Variants in TPD52 observed in about 807,000 individuals in gnomAD.
TPD52 encodes tumor protein D52, also known as prostate and colon associated protein.
Under a neutral mutation model 31.3 loss-of-function variants are expected in TPD52, and 17 were observed. That is an observed-to-expected ratio of 0.54 (90% CI 0.37 to 0.82). The LOEUF (loss-of-function observed/expected upper bound fraction) is 0.82, where lower values mean the gene tolerates loss of function less well. Ranked by LOEUF, TPD52 falls within the 40% of genes least tolerant of loss-of-function variation. The pLI, the probability that TPD52 is intolerant of heterozygous loss-of-function variation, is 0.00. For synonymous variants in TPD52, 83 were observed against 89.6 expected, an observed-to-expected ratio of 0.93 and a Z score of 0.42; for missense variants, 212 against 240.1, an observed-to-expected ratio of 0.88 and a Z score of 0.77.
At chr8:80,158,900 C>T (rs1197841828) in intron 1 of TPD52, 2 of 140,838 alleles carry the variant, frequency 1.4e-5, no homozygotes, top group Non-Finnish European at 3.0e-5. Flanking sequence ...GCCGAGATCC[C>T]GCCACTGCAC....
intron 1 of TPD52, among the ~76,000 whole-genome samples, chr8:80,074,179 G>A (rs1454494342): frequency 3.3e-5 from 5 of 152,178 alleles, no homozygotes; most frequent in Admixed American, 1.3e-4. Context: ...GACCGGAGTC[G>A]CGGTAAGAAA....
intron 1 of TPD52, among the ~76,000 whole-genome samples, chr8:80,123,860 G>T (rs1247084568): frequency 6.6e-6 from 1 of 152,188 alleles, no homozygotes; most frequent in Non-Finnish European, 1.5e-5. Flanking sequence ...TCAACATCTG[G>T]AAAGATTTGG....
intron 1 of TPD52, among the ~76,000 whole-genome samples, chr8:80,102,604 G>T (rs1806823095): frequency 6.6e-6 from 1 of 152,200 alleles, no homozygotes; most frequent in Non-Finnish European, 1.5e-5. Context: ...ACATCGTGTT[G>T]TGATATTGCA....
At chr8:80,135,225 G>A (rs73265594) in intron 1 of TPD52, among the ~76,000 whole-genome samples, 2,014 of 152,278 alleles carry the variant, frequency 0.013, 45 homozygotes, top group African/African-American at 0.045. Context: ...TAGCTAACAA[G>A]CTGACTAAAA....
chr8:80,086,867 G>A (rs1467425806), intron 1 of TPD52, among the ~76,000 whole-genome samples: 1 of 99,704 alleles, frequency 1.0e-5, no homozygotes, highest in Non-Finnish European at 1.8e-5. Flanking sequence ...AGAGTGAGAC[G>A]CTGTCTCAAC....
chr8:80,165,872 G>A (rs62516133), intron 1 of TPD52, among the ~76,000 whole-genome samples: 2,932 of 133,188 alleles, frequency 0.022, 46 homozygotes, highest in Middle Eastern at 0.058. Context: ...CCTAGGCCTC[G>A]CCAGAAACCC....
At chr8:80,094,430 T>TATA (rs1816532778) in intron 1 of TPD52, among the ~76,000 whole-genome samples, 9 of 53,700 alleles carry the variant, frequency 1.7e-4, no homozygotes, top group African/African-American at 3.8e-4. Flanking sequence ...AAAGAAAATT[T>TATA]TATATATATA....
In TPD52 at chr8:80,122,056, T is replaced by C. The variant is rs1808298886; in HGVS notation, c.19+49369A>G. Among the ~76,000 whole-genome samples, 4 of 152,090 alleles carry C rather than the reference T, an allele frequency of 2.6e-5. No homozygotes were observed. The South Asian group carries it at 8.3e-4, about 32-fold the overall frequency. On this transcript the variant is annotated intron_variant, in intron 1 of 7. Coordinates refer to ENST00000518937, the MANE Select transcript of TPD52 (RefSeq NM_001025253.3). The stretch of plus-strand genomic sequence containing the variant: ...AAAACTCCTGTGCAATGATGTTTTA[T>C]CATTATTGTCATTTTATAGATGAGA...
intron 1 of TPD52, among the ~76,000 whole-genome samples, chr8:80,131,025 G>A (rs995890003): frequency 3.3e-5 from 5 of 152,146 alleles, no homozygotes; most frequent in African/African-American, 9.7e-5. Context: ...AGTGTCTTCC[G>A]TAAATTGTTA....
chr8:80,163,334 C>A (rs527453793), intron 1 of TPD52, among the ~76,000 whole-genome samples: 2 of 152,118 alleles, frequency 1.3e-5, no homozygotes. Flanking sequence ...GCATGAGCCC[C>A]GATATCATGC....
chr8:80,055,925 T>C (rs911639331), intron 2 of TPD52, among the ~76,000 whole-genome samples: 3 of 152,186 alleles, frequency 2.0e-5, no homozygotes, highest in African/African-American at 4.8e-5. Context: ...GAAACTCTTA[T>C]ACACTGTTGC....
rs1809831666 is a variant in TPD52, at chr8:80,035,376, C to T, written c.*2740G>A. On this transcript the variant is annotated 3_prime_UTR_variant, in exon 8 of 8. Coordinates refer to ENST00000518937, the MANE Select transcript of TPD52 (RefSeq NM_001025253.3). The stretch of plus-strand genomic sequence containing the variant: ...TCAGCAAGCAGTCATTTAATAAATG[C>T]CTTCTGATAGGCAGAATGTAGCTGC... 6.6e-6 allele frequency: 1 copy of T among 152,192 alleles called. No homozygotes were observed. Among genetic ancestry groups the T allele is most frequent in the South Asian group, 2.1e-4 (1 of 4,828 alleles). The allele number at this position is 152,192 out of a possible 1,614,324, so 9.4% of individuals were successfully genotyped here.
At chr8:80,064,160 T>C (rs549784507) in intron 2 of TPD52, among the ~76,000 whole-genome samples, 1 of 152,300 alleles carries the variant, frequency 6.6e-6, no homozygotes, top group Non-Finnish European at 1.5e-5. Context: ...AAGTCACTGA[T>C]GCACTGAAGA....
chr8:80,084,774 G>A (rs1586265296), intron 1 of TPD52, among the ~76,000 whole-genome samples: 1 of 152,078 alleles, frequency 6.6e-6, no homozygotes, highest in African/African-American at 2.4e-5. Flanking sequence ...CCTAAACTTA[G>A]CCCAGACAAT....
Position 80,036,337 on chromosome 8 carries a change from A to G in TPD52, c.*1779T>C, listed in dbSNP as rs954082059. 5.9e-5 allele frequency: 9 copies of G among 152,660 alleles called. No individual in the cohort carries two copies. Among genetic ancestry groups the G allele is most frequent in the African/African-American group, 2.2e-4 (9 of 41,450 alleles). 9.5% of individuals were successfully genotyped at this position (152,660 alleles called of 1,614,324 possible). A position where few individuals can be genotyped will look rare whatever the true frequency, so the allele number is the denominator to read the frequency against. ...AGAAGTAGACTAGTTCATAGAAAAA[A>G]TAATTTAACACTTGAGTAAGCACAA... On this transcript the variant is annotated 3_prime_UTR_variant, in exon 8 of 8. Coordinates refer to ENST00000518937, the MANE Select transcript of TPD52 (RefSeq NM_001025253.3).
At chr8:80,142,538 C>G (rs1809905856) in intron 1 of TPD52, among the ~76,000 whole-genome samples, 1 of 152,136 alleles carries the variant, frequency 6.6e-6, no homozygotes. Flanking sequence ...TCGAGACCAG[C>G]CTGAAGTACA....
intron 5 of TPD52, 188 bp downstream of exon 5, chr8:80,050,257 T>A (rs1811229591): frequency 4.6e-6 from 2 of 435,884 alleles, no homozygotes; most frequent in Non-Finnish European, 8.1e-6. Flanking sequence ...TTTTAATTTA[T>A]CAACTACCCA....
chr8:80,097,255 G>A (rs1378516873), intron 1 of TPD52, among the ~76,000 whole-genome samples: 1 of 152,140 alleles, frequency 6.6e-6, no homozygotes, highest in Non-Finnish European at 1.5e-5. Context: ...AGCAGAGGTT[G>A]GTTCATGAGG....
intron 1 of TPD52, among the ~76,000 whole-genome samples, chr8:80,134,180 T>C (rs1402605418): frequency 2.0e-5 from 3 of 152,248 alleles, no homozygotes; most frequent in Admixed American, 6.5e-5. Context: ...GTTAACTGAA[T>C]GCTTACTATG....
Sources: gnomAD v4.1 joint callset for allele counts (sites outside exome capture counted in the v4.1 genomes callset) on GRCh38, gnomAD v4.1.1 for gene constraint, MANE v1.5 for transcripts, NCBI Gene and HGNC (gene_info 2026-07-23, HGNC 2026-07-21) for gene names.